Variants in HS3ST5 observed in about 807,000 individuals in gnomAD.
The protein encoded by HS3ST5 is heparan sulfate glucosamine 3-O-sulfotransferase 5.
In HS3ST5, 10 loss-of-function variants were observed where a neutral mutation model predicts 25.4. The ratio of observed to expected loss-of-function variants is 0.39; its 90% CI spans 0.24 to 0.67. HS3ST5 has a LOEUF of 0.67. Among genes scored for constraint, HS3ST5 ranks in the 30% least tolerant of loss-of-function variants. HS3ST5 has a pLI of 0.44. For missense variants in HS3ST5, 324 were observed against 420.7 expected (o/e 0.77, Z 2.01); for synonymous variants, 170 against 162.4 (o/e 1.05, Z -0.36).
intron 3 of HS3ST5, among the ~76,000 whole-genome samples, chr6:114,166,292 A>G (rs1381398702): frequency 6.6e-6 from 1 of 152,160 alleles, no homozygotes; most frequent in Non-Finnish European, 1.5e-5. Flanking sequence ...CTAAGGATTT[A>G]TCAGTCATCT....
chr6:114,096,440 C>A (rs1775430115), intron 3 of HS3ST5, among the ~76,000 whole-genome samples: 1 of 151,968 alleles, frequency 6.6e-6, no homozygotes, highest in Non-Finnish European at 1.5e-5. Context: ...TTTTTTTCCC[C>A]ATAAAAATGT....
chr6:114,319,514 T>A (rs949721324), intron 1 of HS3ST5, among the ~76,000 whole-genome samples: 7 of 152,282 alleles, frequency 4.6e-5, no homozygotes, highest in East Asian at 1.9e-4. Context: ...TTTCTCATCT[T>A]TTAATTCTAC....
chr6:114,161,575 A>ATATATATATAT (rs60732374), intron 3 of HS3ST5, among the ~76,000 whole-genome samples: 104 of 107,778 alleles, frequency 9.6e-4, no homozygotes, highest in Non-Finnish European at 1.3e-3. Flanking sequence ...ATATATATAT[A>ATATATATATAT]AAATGCAATG....
At chr6:114,282,175 ATTCT>A in intron 1 of HS3ST5, among the ~76,000 whole-genome samples, 1 of 152,146 alleles carries the variant, frequency 6.6e-6, no homozygotes, top group East Asian at 1.9e-4. Flanking sequence ...GCGAAGAAAC[ATTCT>A]TTCTAAAATG....
chr6:114,296,558 T>C (rs926554890), intron 1 of HS3ST5, among the ~76,000 whole-genome samples: 2 of 152,208 alleles, frequency 1.3e-5, no homozygotes, highest in Admixed American at 6.5e-5. Flanking sequence ...TGTGTGGATA[T>C]ATATTCCGAA....
chr6:114,182,550 T>C (rs1780023330), intron 2 of HS3ST5, among the ~76,000 whole-genome samples: 1 of 152,166 alleles, frequency 6.6e-6, no homozygotes, highest in Admixed American at 6.5e-5. Context: ...TATAGGAAGA[T>C]TAGAGCACTG....
At chr6:114,182,928 T>A (rs1045870002) in intron 2 of HS3ST5, among the ~76,000 whole-genome samples, 1 of 152,188 alleles carries the variant, frequency 6.6e-6, no homozygotes, top group African/African-American at 2.4e-5. Flanking sequence ...AGGGTCTGAA[T>A]AGAACAAAAA....
chr6:114,099,396 C>CT (rs960371940), intron 3 of HS3ST5, among the ~76,000 whole-genome samples: 7 of 152,154 alleles, frequency 4.6e-5, no homozygotes, highest in Non-Finnish European at 1.0e-4. Context: ...TAATGCAGAA[C>CT]TTTCAGTATA....
intron 3 of HS3ST5, among the ~76,000 whole-genome samples, chr6:114,067,476 GCA>G (rs2114720996): frequency 6.6e-6 from 1 of 152,284 alleles, no homozygotes; most frequent in Admixed American, 6.5e-5. Context: ...CAATTGCAAT[GCA>G]CAGGTCATCT....
intron 3 of HS3ST5, among the ~76,000 whole-genome samples, chr6:114,135,283 A>G (rs1461037303): frequency 6.6e-6 from 1 of 152,176 alleles, no homozygotes; most frequent in Non-Finnish European, 1.5e-5. Context: ...ATTGTGACTG[A>G]GATACTGACC....
chr6:114,178,190 G>A (rs903525480), intron 2 of HS3ST5, among the ~76,000 whole-genome samples: 1 of 152,066 alleles, frequency 6.6e-6, no homozygotes, highest in African/African-American at 2.4e-5. Flanking sequence ...AATAATACAG[G>A]AAAATCAGGC....
At chr6:114,258,479 C>T (rs925512122) in intron 1 of HS3ST5, among the ~76,000 whole-genome samples, 1 of 152,176 alleles carries the variant, frequency 6.6e-6, no homozygotes, top group Non-Finnish European at 1.5e-5. Context: ...CTGTGCAACA[C>T]GTTTGGGGTA....
At chr6:114,067,600 C>T (rs1773530806) in intron 3 of HS3ST5, among the ~76,000 whole-genome samples, 1 of 152,092 alleles carries the variant, frequency 6.6e-6, no homozygotes, top group Non-Finnish European at 1.5e-5. Context: ...CTTCTCTGTG[C>T]CTGAGATGCC....
chr6:114,082,013 T>C (rs1170853060), intron 3 of HS3ST5, among the ~76,000 whole-genome samples: 1 of 152,170 alleles, frequency 6.6e-6, no homozygotes, highest in Non-Finnish European at 1.5e-5. Context: ...GTCTACCCCA[T>C]TTCTCCATTT....
intron 1 of HS3ST5, among the ~76,000 whole-genome samples, chr6:114,339,192 T>C (rs536012525): frequency 6.6e-6 from 1 of 152,314 alleles, no homozygotes; most frequent in Non-Finnish European, 1.5e-5. Context: ...ATTTCAATGT[T>C]CAAACACAAC....
At chr6:114,073,826 A>G (rs1192837823) in intron 3 of HS3ST5, among the ~76,000 whole-genome samples, 2 of 152,230 alleles carry the variant, frequency 1.3e-5, no homozygotes, top group East Asian at 3.8e-4. Context: ...AAATCATGCT[A>G]CTATAAAGAG....
intron 1 of HS3ST5, among the ~76,000 whole-genome samples, chr6:114,229,367 A>T (rs1402976621): frequency 6.6e-6 from 1 of 152,220 alleles, no homozygotes; most frequent in Non-Finnish European, 1.5e-5. Flanking sequence ...AGAAGAAAAC[A>T]TCTATTTTTA....
intron 2 of HS3ST5, among the ~76,000 whole-genome samples, chr6:114,210,060 A>G (rs540938412): frequency 1.3e-5 from 2 of 152,204 alleles, no homozygotes; most frequent in Non-Finnish European, 2.9e-5. Context: ...TTGATATGTC[A>G]TCCAAGGCAA....
chr6:114,123,755 C>T (rs1776906445), intron 3 of HS3ST5, among the ~76,000 whole-genome samples: 1 of 152,178 alleles, frequency 6.6e-6, no homozygotes, highest in African/African-American at 2.4e-5. Context: ...GTATGGAACA[C>T]ATACTCACTT....
Sources: gnomAD v4.1 joint callset for allele counts (sites outside exome capture counted in the v4.1 genomes callset) on GRCh38, gnomAD v4.1.1 for gene constraint, MANE v1.5 for transcripts, NCBI Gene and HGNC (gene_info 2026-07-23, HGNC 2026-07-21) for gene names.